The following KLHL35 variants were observed in gnomAD, a reference collection of about 807,000 sequenced individuals.
KLHL35 encodes the protein kelch like family member 35.
KLHL35 carries 50 observed loss-of-function variants against 44.0 expected under a neutral mutation model. The observed-to-expected ratio is 1.14, with a 90% CI of 0.91 to 1.44. The LOEUF (loss-of-function observed/expected upper bound fraction) is 1.44. KLHL35 is among the 40% of genes most tolerant of loss of function. The pLI, the probability that KLHL35 is intolerant of heterozygous loss-of-function variation, is 0.00. For missense variants in KLHL35, 1,049 were observed against 887.8 expected (o/e 1.18, Z -2.31); for synonymous variants, 470 against 410.4 (o/e 1.15, Z -1.76).
intron 2 of KLHL35, among the ~76,000 whole-genome samples, chr11:75,429,372 C>T (rs1239244689): frequency 6.6e-6 from 1 of 152,238 alleles, no homozygotes; most frequent in Non-Finnish European, 1.5e-5. Context: ...AAAGGTGGGG[C>T]AGGCTGCTTT....
At position 75,422,707 on chromosome 11, in the gene KLHL35, C is replaced by G. The variant is rs749528114; in HGVS notation, c.1625G>C (p.Arg542Pro). Residue 542 changes from arginine (R) to proline (P), a missense_variant, in exon 7 of 7, where the codon CGC (arginine) becomes CCC (proline). Arg to Pro is a moderately radical substitution (Grantham distance 103). Transcript: ENST00000539798. ...GAAGACCTTATCGGTGCTTTCTCCGCGATCATCCCGCCCGCCAAGGATGTG... is the reference window on the plus strand; with the variant it reads ...GAAGACCTTATCGGTGCTTTCTCCGGGATCATCCCGCCCGCCAAGGATGTG... ...KVHILGGRDD[R>P]GESTDKVFTF... 3 of 1,614,046 alleles carry G rather than the reference C, an allele frequency of 1.9e-6. No individual in the cohort carries two copies. In the East Asian group the frequency reaches 6.7e-5, roughly 36 times the overall value.
At position 75,429,861 on chromosome 11, in the gene KLHL35, CCACCTTCTCCAGGAAGT is replaced by C; in HGVS notation, c.752_768del (p.Tyr251Ter). The C allele has an allele frequency of 6.6e-7, 1 of 1,519,696 alleles. No homozygotes were observed. Among genetic ancestry groups the C allele is most frequent in the South Asian group, 1.2e-5 (1 of 82,140 alleles). 94.1% of individuals were successfully genotyped at this position (1,519,696 alleles called of 1,614,324 possible). Reference sequence around the variant, plus strand: ...CAGGCCTGCAGCAGCTCGTCCGCCTCCACCTTCTCCAGGAAGTAAGCGGGCGCCAGTAGCGGCAGGCG... The same window carrying C: ...CAGGCCTGCAGCAGCTCGTCCGCCTCAAGCGGGCGCCAGTAGCGGCAGGCG... On this transcript the variant is annotated frameshift_variant, in exon 2 of 7. Coordinates refer to ENST00000539798, the MANE Select transcript of KLHL35 (RefSeq NM_001039548.3). LOFTEE classifies it high-confidence loss of function.
At position 75,426,516 on chromosome 11, in the gene KLHL35, C is replaced by T. The variant is rs780297261; in HGVS notation, c.1185+4G>A. ...CCAGGGCAGCCGCTGCAGCTCGTGC[C>T]TACCTGCCCCTGCACAACTGCCATC... On this transcript the variant is annotated splice_donor_region_variant and intron_variant, in intron 4 of 6. Transcript: ENST00000539798. 1 of 1,578,442 alleles carries T rather than the reference C, an allele frequency of 6.3e-7. No homozygotes were observed.
chr11:75,430,133 G>A lies in KLHL35; in HGVS notation c.497C>T (p.Ser166Leu). The A allele has an allele frequency of 1.6e-6, 2 of 1,262,126 alleles. No homozygotes were observed. Among genetic ancestry groups the A allele is most frequent in the Non-Finnish European group, 9.9e-7 (1 of 1,007,556 alleles). The allele number at this position is 1,262,126 out of a possible 1,614,324, so 78.2% of individuals were successfully genotyped here. ...GCAGCGCTCGGCCAGCGGGGCCAGC[G>A]AGAAGGCGGCGGCCACGCGGCGCAG... is the stretch of plus-strand genomic sequence containing the variant. ...LALRRVAAAFSLAPLAERCGR... is the reference protein window; with the variant it reads ...LALRRVAAAFLLAPLAERCGR... The change falls in exon 2 of 7, where the codon TCG becomes TTG. Residue 166 changes from serine to leucine, a missense_variant. By Grantham distance (145) the Ser-to-Leu change is moderately radical. Transcript: ENST00000539798.
rs1948461139 is a variant in KLHL35 at position 75,422,782 on chromosome 11, CA to C, written c.1564-15del. On this transcript the variant is annotated splice_polypyrimidine_tract_variant and intron_variant, in intron 6 of 6. Transcript: ENST00000539798. ...TCCACAGCTTTCCTGGGTGGACAAA[CA>C]GAAAGACAACTATCAGGTCCAGCCT... 1 of 1,605,786 alleles carries C rather than the reference CA, an allele frequency of 6.2e-7. No homozygotes were observed. Among genetic ancestry groups the C allele is most frequent in the Non-Finnish European group, 8.5e-7 (1 of 1,173,060 alleles).
Position 75,430,563 on chromosome 11 carries a change from GGCACGGACCCGC to G in KLHL35, c.55_66del (p.Ala19_Cys22del), listed in dbSNP as rs1279337959. ...AGGGCCTGCAGCACGCGCTGCGCGT[GGCACGGACCCGC>G]GCACGGCGCTTCGCAGCCCGGCTCC... On this transcript the variant is annotated inframe_deletion, in exon 2 of 7. Transcript: ENST00000539798. 1.4e-6 allele frequency: 2 copies of G among 1,445,734 alleles called. No homozygotes were observed. Among genetic ancestry groups the G allele is most frequent in the Admixed American group, 5.2e-5 (2 of 38,648 alleles). 89.6% of individuals were successfully genotyped at this position (1,445,734 alleles called of 1,614,324 possible).
Position 75,430,466 on chromosome 11 carries a change from TGGCACGGAAAGTCGCGCCCGCC to T in KLHL35, c.142_163del (p.Gly48ThrfsTer33), listed in dbSNP as rs1948527371. ...GCTGCCCGCGCTGAGCGCCGCGCGG[TGGCACGGAAAGTCGCGCCCGCC>T]GGCGCGCAGCACCACGTCGGTGAGG... On this transcript the variant is annotated frameshift_variant, in exon 2 of 7. Transcript: ENST00000539798. LOFTEE classifies it high-confidence loss of function. 2.1e-6 allele frequency: 3 copies of T among 1,396,130 alleles called. No individual in the cohort carries two copies. Among genetic ancestry groups the T allele is most frequent in the African/African-American group, 3.0e-5 (2 of 65,690 alleles). 86.5% of individuals were successfully genotyped at this position (1,396,130 alleles called of 1,614,324 possible).
In KLHL35 at chr11:75,430,242, C is replaced by CT. The variant is rs941666363; in HGVS notation, c.387_388insA (p.Ala130SerfsTer68). 1.6e-6 allele frequency: 2 copies of CT among 1,217,032 alleles called. No homozygotes were observed. Among genetic ancestry groups the CT allele is most frequent in the African/African-American group, 3.2e-5 (2 of 61,886 alleles). The allele number at this position is 1,217,032 out of a possible 1,614,324, so 75.4% of individuals were successfully genotyped here. On this transcript the variant is annotated frameshift_variant, in exon 2 of 7. Transcript: ENST00000539798. LOFTEE classifies it high-confidence loss of function. ...AGGCCCGCCACGCCCAGCCGCTCCG[C>CT]CAGCGCCAGCACGGCCGCCGCCTCG...
At chr11:75,429,633 G>T (rs1948516638) in intron 2 of KLHL35, 116 bp downstream of exon 2, 1 of 1,274,240 alleles carries the variant, frequency 7.8e-7, no homozygotes, top group Non-Finnish European at 1.0e-6. Flanking sequence ...CTAAAATGTT[G>T]AACGAATGAC....
intron 3 of KLHL35, 24 bp downstream of exon 3, chr11:75,428,418 C>G: frequency 6.2e-7 from 1 of 1,610,942 alleles, no homozygotes; most frequent in Non-Finnish European, 8.5e-7. Flanking sequence ...CCCGTGTGAG[C>G]TCCCGTTGCG....
At chr11:75,431,426 C>T (rs540397507) in intron 1 of KLHL35, among the ~76,000 whole-genome samples, 5 of 152,236 alleles carry the variant, frequency 3.3e-5, no homozygotes, top group Admixed American at 1.3e-4. Context: ...GGGGAGGCAC[C>T]GGGTGTTAGG....
At chr11:75,432,023 C>T (rs1428179730) in intron 1 of KLHL35, among the ~76,000 whole-genome samples, 1 of 152,188 alleles carries the variant, frequency 6.6e-6, no homozygotes, top group Non-Finnish European at 1.5e-5. Flanking sequence ...CGAGGCTCAG[C>T]AGAGGGGTGT....
intron 4 of KLHL35, 80 bp downstream of exon 4, chr11:75,426,439 AG>A: frequency 3.3e-6 from 3 of 902,488 alleles, no homozygotes; most frequent in Non-Finnish European, 5.0e-6. Context: ...TTACAAAGAG[AG>A]GGTTTTAGAG....
chr11:75,422,470 G>T lies in KLHL35; in HGVS notation c.*110C>A. The T allele has an allele frequency of 1.1e-6, 1 of 937,764 alleles. No individual in the cohort carries two copies. Among genetic ancestry groups the T allele is most frequent in the South Asian group, 1.7e-5 (1 of 60,530 alleles). 58.1% of individuals were successfully genotyped at this position (937,764 alleles called of 1,614,324 possible). On this transcript the variant is annotated 3_prime_UTR_variant, in exon 7 of 7. Transcript: ENST00000539798. ...ACAAGATTTTATTTATACAAGAAAA[G>T]GGACCATTAAGTTAAGGGCTGTTTG...
Position 75,425,387 on chromosome 11 carries a change from G to A in KLHL35, c.1374+6C>T, listed in dbSNP as rs1401736621. 3 of 1,541,178 alleles carry A rather than the reference G, an allele frequency of 1.9e-6. No individual in the cohort carries two copies. Among genetic ancestry groups the A allele is most frequent in the African/African-American group, 2.8e-5 (2 of 72,226 alleles). ...ACGCCCTCTCGCGCCTGAGGCCCAC[G>A]CCCACCTTGTCCGTGTTGACGCCGC... On this transcript the variant is annotated splice_donor_region_variant and intron_variant, in intron 5 of 6. Transcript: ENST00000539798.
At chr11:75,426,717 C>T (rs962693413) in intron 3 of KLHL35, 79 bp from the exon 4 acceptor site, 8 of 954,572 alleles carry the variant, frequency 8.4e-6, no homozygotes, top group Admixed American at 4.4e-5. Flanking sequence ...AACTAGGGCC[C>T]CCAGATCCAA....
Position 75,429,870 on chromosome 11 carries a change from C to T in KLHL35, c.760G>A (p.Glu254Lys). The T allele has an allele frequency of 2.0e-6, 3 of 1,521,334 alleles. No homozygotes were observed. The highest frequency in any genetic ancestry group is 2.0e-5 in the Admixed American group (1 of 50,058). 94.2% of individuals were successfully genotyped at this position (1,521,334 alleles called of 1,614,324 possible). A position where few individuals can be genotyped will look rare whatever the true frequency, so the allele number is the denominator to read the frequency against. Residue 254 changes from glutamate (E) to lysine (K), a missense_variant, in exon 2 of 7, where the codon GAG (glutamate) becomes AAG (lysine). Physicochemically the swap from Glu to Lys is moderately conservative, Grantham distance 56. Transcript: ENST00000539798. ...AGCAGCTCGTCCGCCTCCACCTTCT[C>T]CAGGAAGTAAGCGGGCGCCAGTAGC... ...LPLLAPAYFL[E>K]KVEADELLQA...
At chr11:75,423,538 A>G in intron 6 of KLHL35, 154 bp downstream of exon 6, 1 of 692,240 alleles carries the variant, frequency 1.4e-6, no homozygotes. Flanking sequence ...CAGTCTCCTC[A>G]TCTGTGAAAT....
At position 75,423,852 on chromosome 11, in the gene KLHL35, C is replaced by G; in HGVS notation, c.1403G>C (p.Arg468Pro). ...KVQCFDPKED[R>P]WSLRSPAPFS... ...GGGTGCTGGTGACCGCAGGCTCCAC[C>G]GGTCCTCCTTGGGGTCAAAGCACTG... The change falls in exon 6 of 7, where the codon CGG (arginine) becomes CCG (proline). Residue 468 changes from arginine to proline, a missense_variant. By Grantham distance (103) the Arg-to-Pro change is moderately radical (BLOSUM62 -2). Transcript: ENST00000539798. The G allele has an allele frequency of 6.2e-7, 1 of 1,613,540 alleles. No individual in the cohort carries two copies. Among genetic ancestry groups the G allele is most frequent in the Non-Finnish European group, 8.5e-7 (1 of 1,179,662 alleles).
Sources: allele counts gnomAD v4.1 joint callset (sites outside exome capture counted in the v4.1 genomes callset), GRCh38; gene constraint gnomAD v4.1.1; transcripts MANE v1.5; gene names NCBI Gene and HGNC (gene_info 2026-07-23, HGNC 2026-07-21).